ASIC3: variants seen among roughly 807,000 people sequenced by gnomAD.
The protein encoded by ASIC3 is acid sensing ion channel subunit 3, also known as acid-sensing ion channel 3.
ASIC3 carries 46 observed loss-of-function variants against 58.6 expected under a neutral mutation model. The observed-to-expected ratio is 0.79, with a 90% confidence interval of 0.62 to 1.00. ASIC3 has a LOEUF of 1.00. Among genes scored for constraint, ASIC3 ranks in the 50% least tolerant of loss-of-function variants. The probability of loss-of-function intolerance (pLI) is 0.00; values close to 1 mark genes in which losing one functional copy is unlikely to be tolerated. For synonymous variants in ASIC3, 336 were observed against 300.2 expected (o/e 1.12, Z -1.23); for missense variants, 770 against 735.0 (o/e 1.05, Z -0.55).
chr7:151,051,445 C>T, intron 6 of ASIC3, 126 bp downstream of exon 6: 3 of 1,209,652 alleles, frequency 2.5e-6, no homozygotes, highest in Non-Finnish European at 3.3e-6. Context: ...GCCTCACTGG[C>T]TCTGGGGCTC....
At position 151,050,898 on chromosome 7, in the gene ASIC3, C is replaced by T; in HGVS notation, c.954C>T (p.Ala318=). The T allele has an allele frequency of 6.2e-7, 1 of 1,613,542 alleles. No homozygotes were observed. Residue 318 remains alanine (A), a synonymous_variant, in exon 4 of 11, where the codon GCC becomes GCT. Coordinates refer to ENST00000349064, the MANE Select transcript of ASIC3 (RefSeq NM_004769.4). Reference sequence around the variant, plus strand: ...ATACCCTTATGGGGTGTCGCCTGGCCTGCGAAACCCGCTACGTGGCTCGGA... The same window carrying T: ...ATACCCTTATGGGGTGTCGCCTGGCTTGCGAAACCCGCTACGTGGCTCGGA... ...PPYTLMGCRL[A]CETRYVARKC... is the part of the protein sequence containing the mutation.
Position 151,052,658 on chromosome 7 carries a change from C to A in ASIC3, c.*6C>A. On this transcript the variant is annotated 3_prime_UTR_variant, in exon 11 of 11. Coordinates refer to ENST00000349064, the MANE Select transcript of ASIC3 (RefSeq NM_004769.4). The surrounding 1 kb of genome is among the most constrained non-coding windows in gnomAD (Gnocchi z 5.0). Reference sequence around the variant, plus strand: ...ACCTTGTCACACAGCTCTAGACCTGCTGTCTGTGTCCTCGGAGCCCCGCCC... The same window carrying A: ...ACCTTGTCACACAGCTCTAGACCTGATGTCTGTGTCCTCGGAGCCCCGCCC... 6.2e-7 allele frequency: 1 copy of A among 1,614,114 alleles called. No individual in the cohort carries two copies. Among genetic ancestry groups the A allele is most frequent in the Non-Finnish European group, 8.5e-7 (1 of 1,179,968 alleles).
chr7:151,052,708 G>T lies in ASIC3; in HGVS notation c.*56G>T. On this transcript the variant is annotated 3_prime_UTR_variant, in exon 11 of 11. Transcript: ENST00000349064. The surrounding 1 kb of genome is among the most constrained non-coding windows in gnomAD (Gnocchi z 5.0). ...CTGACATCCTGGACATGCCTAGCCT[G>T]CACGTAGCTTTTCCGTCTTCACCCC... The T allele has an allele frequency of 6.2e-7, 1 of 1,614,054 alleles. No individual in the cohort carries two copies. Among genetic ancestry groups the T allele is most frequent in the Non-Finnish European group, 8.5e-7 (1 of 1,179,966 alleles).
At position 151,049,154 on chromosome 7, in the gene ASIC3, C is replaced by T. The variant is rs769209323; in HGVS notation, c.269C>T (p.Thr90Ile). Residue 90 changes from threonine to isoleucine, a missense_variant, in exon 1 of 11, where the codon ACC (threonine) becomes ATC (isoleucine). By Grantham distance (89) the Thr-to-Ile change is moderately conservative. Transcript: ENST00000349064. ...CACCGGCTCATCTTCCCGGCTGTCACCCTGTGCAACATCAACCCACTGCGC... is the reference window on the plus strand; with the variant it reads ...CACCGGCTCATCTTCCCGGCTGTCATCCTGTGCAACATCAACCCACTGCGC... ...ESHRLIFPAV[T>I]LCNINPLRRS... is the part of the protein sequence containing the mutation. 5 of 1,613,874 alleles carry T rather than the reference C, an allele frequency of 3.1e-6. No individual in the cohort carries two copies. The highest frequency in any genetic ancestry group is 2.2e-5 in the East Asian group (1 of 44,882).
rs576565288 is a variant in ASIC3, at chr7:151,049,187, G to A, written c.302G>A (p.Arg101His). 34 of 1,613,600 alleles carry A rather than the reference G, an allele frequency of 2.1e-5. No homozygotes were observed. Among genetic ancestry groups the A allele is most frequent in the African/African-American group, 4.0e-5 (3 of 75,046 alleles). ...AACATCAACCCACTGCGCCGCTCGC[G>A]CCTAACGCCCAACGACCTGCACTGG... ...LCNINPLRRS[R>H]LTPNDLHWAG... Residue 101 changes from arginine to histidine, a missense_variant, in exon 1 of 11, where the codon CGC becomes CAC. Arg to His is a conservative substitution (Grantham distance 29). Transcript: ENST00000349064.
rs1273574285 is a variant in ASIC3, at chr7:151,051,168, G to A, written c.1067-4G>A. 1.3e-6 allele frequency: 2 copies of A among 1,594,194 alleles called. No individual in the cohort carries two copies. Among genetic ancestry groups the A allele is most frequent in the Non-Finnish European group, 8.5e-7 (1 of 1,175,086 alleles). ...GGCGTCTGACGCGGCCCGGTGGCCC[G>A]CAGATGCCATGCTTCGCAAGGACTC... On this transcript the variant is annotated splice_polypyrimidine_tract_variant and splice_region_variant and intron_variant, in intron 5 of 10. Transcript: ENST00000349064.
In ASIC3 at chr7:151,049,211, G is replaced by A; in HGVS notation, c.326G>A (p.Trp109Ter). 6.2e-7 allele frequency: 1 copy of A among 1,612,948 alleles called. No individual in the cohort carries two copies. Among genetic ancestry groups the A allele is most frequent in the Non-Finnish European group, 8.5e-7 (1 of 1,179,490 alleles). Residue 109 changes from tryptophan (W) to a stop codon, truncating the protein, a stop_gained, in exon 1 of 11, where the codon TGG (tryptophan) becomes TAG (stop). Coordinates refer to ENST00000349064, the MANE Select transcript of ASIC3 (RefSeq NM_004769.4). LOFTEE classifies it high-confidence loss of function. ...CGCCTAACGCCCAACGACCTGCACT[G>A]GGCTGGGTCTGCGCTGCTGGGCCTG... ...RSRLTPNDLH[W>*]AGSALLGLDP...
chr7:151,049,563 C>G (rs998884006), intron 1 of ASIC3, 144 bp downstream of exon 1: 5 of 1,003,648 alleles, frequency 5.0e-6, no homozygotes, highest in East Asian at 2.6e-5. Context: ...TCCCCACCCC[C>G]CAGTGCCACT....
chr7:151,049,442 C>T, intron 1 of ASIC3, 23 bp downstream of exon 1: 1 of 1,552,104 alleles, frequency 6.4e-7, no homozygotes, highest in Non-Finnish European at 8.7e-7. Context: ...CCCTACCTAT[C>T]CTGCCAGGGA....
Position 151,052,451 on chromosome 7 carries a change from T to C in ASIC3, c.1494T>C (p.Val498=). 6.2e-7 allele frequency: 1 copy of C among 1,613,888 alleles called. No homozygotes were observed. The highest frequency in any genetic ancestry group is 8.5e-7 in the Non-Finnish European group (1 of 1,179,942). Residue 498 remains valine (V), a synonymous_variant, in exon 10 of 11, where the codon GTT becomes GTC. Coordinates refer to ENST00000349064, the MANE Select transcript of ASIC3 (RefSeq NM_004769.4). The surrounding 1 kb of genome is among the most constrained non-coding windows in gnomAD (Gnocchi z 5.0). ...QEGLGSHRTQ[V]PHLSLGPRPP... ...GGCTGGGCAGCCATCGAACCCAAGT[T>C]CCCCACCTCAGCCTGGGCCCCAGGT... is the stretch of plus-strand genomic sequence containing the variant.
At position 151,051,919 on chromosome 7, in the gene ASIC3, C is replaced by G. The variant is rs754341147; in HGVS notation, c.1306+18C>G. On this transcript the variant is annotated intron_variant, in intron 7 of 10. Transcript: ENST00000349064. ...GCTGCTTGGTGTGTGTGCAGGGCCC[C>G]CAGGGCTGGGGGGGTGTGGGCAGGC... 4 of 1,613,482 alleles carry G rather than the reference C, an allele frequency of 2.5e-6. No homozygotes were observed. The East Asian group carries it at 8.9e-5, about 36-fold the overall frequency.
At position 151,052,576 on chromosome 7, in the gene ASIC3, C is replaced by T. The variant is rs774339815; in HGVS notation, c.1520C>T (p.Pro507Leu). Residue 507 changes from proline (P) to leucine (L), a missense_variant and splice_region_variant, in exon 11 of 11, where the codon CCT (proline) becomes CTT (leucine). Pro to Leu is a moderately conservative substitution (Grantham distance 98, BLOSUM62 -3). Transcript: ENST00000349064. The surrounding 1 kb of genome is among the most constrained non-coding windows in gnomAD (Gnocchi z 5.0). Reference protein sequence around the residue: ...QVPHLSLGPRPPTPPCAVTKT... With the variant: ...QVPHLSLGPRLPTPPCAVTKT... ...CAGCACTCTGCTCTGTTCCGAAGAC[C>T]TCCCACCCCTCCCTGTGCCGTCACC... is the stretch of plus-strand genomic sequence containing the variant. 5 of 1,613,876 alleles carry T rather than the reference C, an allele frequency of 3.1e-6. No homozygotes were observed. The highest frequency in any genetic ancestry group is 1.1e-5 in the South Asian group (1 of 91,034).
rs745943354 is a variant in ASIC3 at position 151,052,339 on chromosome 7, G to A, written c.1459-77G>A. ...CGCCCCAGCTGAGGAGAAACAGGCA[G>A]GAGGGTGTGCAGTGACCTCGACTGG... On this transcript the variant is annotated intron_variant, in intron 9 of 10. Transcript: ENST00000349064. This position sits in a 1 kb window ranked among gnomAD's most constrained non-coding sequence, Gnocchi z 5.0. 91 of 1,612,470 alleles carry A rather than the reference G, an allele frequency of 5.6e-5. No individual in the cohort carries two copies. The highest frequency in any genetic ancestry group is 7.7e-5 in the Non-Finnish European group (91 of 1,179,386).
chr7:151,048,921 G>T lies in ASIC3; in HGVS notation c.36G>T (p.Arg12=), dbSNP rs1179091504. 6.4e-7 allele frequency: 1 copy of T among 1,562,544 alleles called. No individual in the cohort carries two copies. The highest frequency in any genetic ancestry group is 1.4e-5 in the African/African-American group (1 of 74,056). The part of the protein sequence containing the change: ...KPTSGPEEAR[R]PASDIRVFAS... ...CCTCAGGCCCAGAGGAGGCCCGGCG[G>T]CCAGCCTCGGACATCCGCGTGTTCG... Residue 12 remains arginine (R), a synonymous_variant, in exon 1 of 11, where the codon CGG becomes CGT. Coordinates refer to ENST00000349064, the MANE Select transcript of ASIC3 (RefSeq NM_004769.4).
intron 6 of ASIC3, 93 bp from the exon 7 acceptor site, chr7:151,051,717 C>T (rs1055715457): frequency 6.4e-5 from 86 of 1,348,100 alleles, no homozygotes; most frequent in Non-Finnish European, 7.7e-5. Flanking sequence ...TCCCAGGGTT[C>T]TTGAAAGGAG....
At chr7:151,049,957 T>G (rs1796727508) in intron 1 of ASIC3, 149 bp from the exon 2 acceptor site, 1 of 999,206 alleles carries the variant, frequency 1.0e-6, no homozygotes, top group Admixed American at 2.1e-5. Context: ...TCCTGCAACA[T>G]GTGCCCACTG....
In ASIC3 at chr7:151,051,076, C is replaced by T. The variant is rs1185700740; in HGVS notation, c.1047C>T (p.Asn349=). 17 of 1,612,900 alleles carry T rather than the reference C, an allele frequency of 1.1e-5. No individual in the cohort carries two copies. Among genetic ancestry groups the T allele is most frequent in the Non-Finnish European group, 1.4e-5 (17 of 1,179,966 alleles). The part of the protein sequence containing the change: ...VPVCSPQQYK[N]CAHPAIDAML... ...TGTGCAGCCCCCAGCAGTACAAGAA[C>T]TGTGCCCACCCGGCCATAGGTAAGG... is the stretch of plus-strand genomic sequence containing the variant. The change falls in exon 5 of 11, where the codon AAC becomes AAT. Residue 349 remains asparagine, a synonymous_variant. Coordinates refer to ENST00000349064, the MANE Select transcript of ASIC3 (RefSeq NM_004769.4).
chr7:151,050,021 G>T, intron 1 of ASIC3, 85 bp from the exon 2 acceptor site: 1 of 1,573,850 alleles, frequency 6.4e-7, no homozygotes. Flanking sequence ...AAGAAGAGAC[G>T]CAAACATACC....
At position 151,049,035 on chromosome 7, in the gene ASIC3, C is replaced by G. The variant is rs547109781; in HGVS notation, c.150C>G (p.Val50=). The G allele has an allele frequency of 6.2e-7, 1 of 1,613,722 alleles. No individual in the cohort carries two copies. Among genetic ancestry groups the G allele is most frequent in the South Asian group, 1.1e-5 (1 of 91,086 alleles). Residue 50 remains valine, a synonymous_variant, in exon 1 of 11, where the codon GTC becomes GTG. Coordinates refer to ENST00000349064, the MANE Select transcript of ASIC3 (RefSeq NM_004769.4). ...LRRGMWAAAV[V]LSVATFLYQV... ...GGGGGATGTGGGCAGCGGCCGTGGT[C>G]CTGTCAGTGGCCACCTTCCTCTACC...
Sources: allele counts gnomAD v4.1 joint callset, GRCh38; gene constraint gnomAD v4.1.1; non-coding constraint Gnocchi (gnomAD v3.1); transcripts MANE v1.5; gene names NCBI Gene and HGNC (gene_info 2026-07-23, HGNC 2026-07-21).